UNC5C: variants seen among roughly 807,000 people sequenced by gnomAD.
UNC5C encodes the protein unc-5 netrin receptor C.
In UNC5C, 47 loss-of-function variants were observed where a neutral mutation model predicts 99.8. The ratio of observed to expected loss-of-function variants is 0.47; its 90% CI spans 0.37 to 0.60. The LOEUF (loss-of-function observed/expected upper bound fraction) is 0.60. UNC5C is among the 20% of genes least tolerant of loss of function. The pLI is 0.00. For missense variants in UNC5C, 1,062 were observed against 1,165.9 expected (o/e 0.91, Z 1.30); for synonymous variants, 487 against 452.2 (o/e 1.08, Z -0.98).
At chr4:95,391,412 A>G (rs1470548484) in intron 1 of UNC5C, among the ~76,000 whole-genome samples, 1 of 152,184 alleles carries the variant, frequency 6.6e-6, no homozygotes, top group African/African-American at 2.4e-5. Context: ...GCCTAGGACT[A>G]CAACTAATCT....
intron 1 of UNC5C, among the ~76,000 whole-genome samples, chr4:95,433,083 G>C (rs1196185486): frequency 6.6e-6 from 1 of 152,082 alleles, no homozygotes; most frequent in African/African-American, 2.4e-5. Flanking sequence ...ATAGACTCCA[G>C]TGTGTTCACC....
chr4:95,470,165 T>A (rs1053411388), intron 1 of UNC5C, among the ~76,000 whole-genome samples: 3 of 152,156 alleles, frequency 2.0e-5, no homozygotes, highest in Non-Finnish European at 4.4e-5. Flanking sequence ...TATGTATGTA[T>A]ACTTTTTACA....
intron 11 of UNC5C, among the ~76,000 whole-genome samples, chr4:95,206,364 A>G (rs1737875610): frequency 6.6e-6 from 1 of 151,906 alleles, no homozygotes; most frequent in South Asian, 2.1e-4. Flanking sequence ...TATATAATCT[A>G]TATTCCAAAA....
chr4:95,254,930 C>T (rs1051865843), intron 4 of UNC5C, among the ~76,000 whole-genome samples: 1 of 151,954 alleles, frequency 6.6e-6, no homozygotes, highest in Non-Finnish European at 1.5e-5. Flanking sequence ...TGCTCTCATC[C>T]CTTTGTCACT....
intron 1 of UNC5C, among the ~76,000 whole-genome samples, chr4:95,420,463 A>G (rs1026475582): frequency 2.4e-4 from 36 of 152,204 alleles, no homozygotes; most frequent in African/African-American, 8.7e-4. Context: ...TTATTTTTAA[A>G]AGGGAATTGA....
chr4:95,471,415 G>A (rs1379866266), intron 1 of UNC5C, among the ~76,000 whole-genome samples: 1 of 152,042 alleles, frequency 6.6e-6, no homozygotes, highest in Non-Finnish European at 1.5e-5. Flanking sequence ...TAAATAAAGG[G>A]ATTTCCTGGG....
intron 1 of UNC5C, among the ~76,000 whole-genome samples, chr4:95,378,320 TAAG>T (rs1361266195): frequency 6.6e-6 from 1 of 152,044 alleles, no homozygotes. Flanking sequence ...AATCTATTAA[TAAG>T]AAGAACATTT....
intron 1 of UNC5C, among the ~76,000 whole-genome samples, chr4:95,537,480 G>A (rs912366268): frequency 6.6e-6 from 1 of 152,108 alleles, no homozygotes; most frequent in East Asian, 1.9e-4. Flanking sequence ...AAGCAATCTC[G>A]TTTGTCTCCA....
chr4:95,283,016 G>A (rs1382762978), intron 3 of UNC5C, among the ~76,000 whole-genome samples: 2 of 152,022 alleles, frequency 1.3e-5, no homozygotes, highest in Non-Finnish European at 2.9e-5. Context: ...TTGCTTCTGA[G>A]GCCTTCATTT....
In UNC5C at chr4:95,220,050, T is replaced by G. The variant is rs770701663; in HGVS notation, c.1235A>C (p.Asp412Ala). Residue 412 changes from aspartate to alanine, a missense_variant, in exon 8 of 16, where the codon GAT (aspartate) becomes GCT (alanine). Transcript: ENST00000453304. ...YRKNHRDFESDIIDSSALNGG... is the reference protein window; with the variant it reads ...YRKNHRDFESAIIDSSALNGG... ...ATTGAGTGCCGAAGAGTCAATAATA[T>G]CTGACTCAAAGTCACGATGATTCTT... 11 of 1,613,996 alleles carry G rather than the reference T, an allele frequency of 6.8e-6. No homozygotes were observed. The highest frequency in any genetic ancestry group is 7.6e-6 in the Non-Finnish European group (9 of 1,179,992).
intron 4 of UNC5C, among the ~76,000 whole-genome samples, chr4:95,263,085 G>A (rs1740307298): frequency 6.6e-6 from 1 of 152,148 alleles, no homozygotes; most frequent in Non-Finnish European, 1.5e-5. Context: ...AAAGTGCTGG[G>A]ATTACAGGTG....
chr4:95,299,045 A>G (rs1407668830), intron 3 of UNC5C, among the ~76,000 whole-genome samples: 2 of 152,164 alleles, frequency 1.3e-5, no homozygotes, highest in Admixed American at 6.5e-5. Context: ...TATTGGCTGA[A>G]CTACATCCCA....
intron 1 of UNC5C, among the ~76,000 whole-genome samples, chr4:95,414,549 T>C (rs1746103614): frequency 6.6e-6 from 1 of 152,244 alleles, no homozygotes; most frequent in Non-Finnish European, 1.5e-5. Flanking sequence ...CGAAGGTCCT[T>C]AGACCAAGCT....
chr4:95,418,228 A>G (rs1704151751), intron 1 of UNC5C, among the ~76,000 whole-genome samples: 1 of 152,260 alleles, frequency 6.6e-6, no homozygotes, highest in Non-Finnish European at 1.5e-5. Flanking sequence ...TAGTCTTGCT[A>G]TAGTGAATAA....
chr4:95,255,548 A>G (rs908669101), intron 4 of UNC5C, among the ~76,000 whole-genome samples: 3 of 152,202 alleles, frequency 2.0e-5, no homozygotes, highest in Non-Finnish European at 2.9e-5. Flanking sequence ...GGGCTCTCCC[A>G]CTATCTGTGT....
At chr4:95,266,171 G>A (rs1244635367) in intron 4 of UNC5C, among the ~76,000 whole-genome samples, 1 of 152,192 alleles carries the variant, frequency 6.6e-6, no homozygotes, top group Non-Finnish European at 1.5e-5. Context: ...AGTGGTTTAT[G>A]AGTCTTCATA....
chr4:95,518,990 T>C (rs1722282746), intron 1 of UNC5C, among the ~76,000 whole-genome samples: 1 of 152,146 alleles, frequency 6.6e-6, no homozygotes, highest in African/African-American at 2.4e-5. Context: ...GGGAGGGACT[T>C]GACTAGAGAA....
At chr4:95,176,904 C>T (rs1414479264) in intron 14 of UNC5C, among the ~76,000 whole-genome samples, 10 of 152,164 alleles carry the variant, frequency 6.6e-5, no homozygotes, top group Admixed American at 3.3e-4. Flanking sequence ...ACTCTGTGGG[C>T]GTAGGACCCT....
chr4:95,461,564 G>T (rs190426161), intron 1 of UNC5C, among the ~76,000 whole-genome samples: 80 of 152,220 alleles, frequency 5.3e-4, no homozygotes, highest in African/African-American at 1.8e-3. Flanking sequence ...CTGATTAATA[G>T]AATTAACTGT....
Sources: gnomAD v4.1 joint callset for allele counts (sites outside exome capture counted in the v4.1 genomes callset) on GRCh38, gnomAD v4.1.1 for gene constraint, MANE v1.5 for transcripts, NCBI Gene and HGNC (gene_info 2026-07-23, HGNC 2026-07-21) for gene names.